Variants in CD1B observed in about 807,000 individuals in gnomAD.
CD1B encodes the protein T-cell surface glycoprotein CD1b.
In CD1B, 43 loss-of-function variants were observed where a neutral mutation model predicts 39.8. The observed-to-expected ratio is 1.08, with a 90% CI of 0.85 to 1.39. CD1B has a LOEUF of 1.39. Among genes scored for constraint, CD1B ranks in the 40% most tolerant of loss-of-function variants. The probability of loss-of-function intolerance (pLI) is 0.00; values close to 1 mark genes in which losing one functional copy is unlikely to be tolerated. For synonymous variants in CD1B, 192 were observed against 152.5 expected, an observed-to-expected ratio of 1.26 and a Z score of -1.91; for missense variants, 495 against 403.8, an observed-to-expected ratio of 1.23 and a Z score of -1.94.
chr1:158,319,644 A>T, the CD1B span, among the ~76,000 whole-genome samples: 1 of 152,182 alleles, frequency 6.6e-6, no homozygotes, highest in South Asian at 2.1e-4. Context: ...TGATCGTCTG[A>T]AGCCTTCTTC....
the CD1B span, among the ~76,000 whole-genome samples, chr1:158,298,170 G>A: frequency 6.6e-6 from 1 of 152,096 alleles, no homozygotes; most frequent in Non-Finnish European, 1.5e-5. Flanking sequence ...TAATGATAGA[G>A]GGTTGAATTT....
chr1:158,308,500 C>A, the CD1B span, among the ~76,000 whole-genome samples: 2,797 of 152,196 alleles, frequency 0.018, 87 homozygotes, highest in African/African-American at 0.064. Context: ...TCATATGGAA[C>A]CAAAAAGAGC....
chr1:158,320,769 C>T, the CD1B span, among the ~76,000 whole-genome samples: 2 of 151,808 alleles, frequency 1.3e-5, no homozygotes, highest in Non-Finnish European at 2.9e-5. Flanking sequence ...TTCACTGAAC[C>T]ACTGGTTGTT....
chr1:158,295,360 G>GAA, the CD1B span, among the ~76,000 whole-genome samples: 6 of 152,224 alleles, frequency 3.9e-5, no homozygotes, highest in Admixed American at 3.9e-4. Context: ...GGCTTCTAGG[G>GAA]AAGGGGTTGG....
At chr1:158,314,802 C>A in the CD1B span, among the ~76,000 whole-genome samples, 906 of 130,964 alleles carry the variant, frequency 6.9e-3, 11 homozygotes, top group African/African-American at 0.024. Flanking sequence ...GCTATCCCTA[C>A]CCCCTCCCCC....
chr1:158,292,743 A>T, the CD1B span: 2 of 1,614,188 alleles, frequency 1.2e-6, no homozygotes, highest in Non-Finnish European at 1.7e-6. Flanking sequence ...AAACATGGTG[A>T]TATTCTTCCT....
At chr1:158,300,191 G>T in the CD1B span, among the ~76,000 whole-genome samples, 1 of 152,100 alleles carries the variant, frequency 6.6e-6, no homozygotes, top group Non-Finnish European at 1.5e-5. Flanking sequence ...TTGTGTCTTT[G>T]TTCTCATTGG....
chr1:158,317,956 CA>C, the CD1B span, among the ~76,000 whole-genome samples: 1 of 152,128 alleles, frequency 6.6e-6, no homozygotes, highest in Admixed American at 6.6e-5. Flanking sequence ...GTTCAGTTTC[CA>C]TGTAGTTGTG....
At chr1:158,319,312 A>G in the CD1B span, among the ~76,000 whole-genome samples, 2 of 152,068 alleles carry the variant, frequency 1.3e-5, no homozygotes, top group African/African-American at 4.8e-5. Flanking sequence ...AATCAGACGT[A>G]GATTTGGTCT....
intron 4 of CD1B, 73 bp from the exon 5 acceptor site, chr1:158,329,087 C>A: frequency 8.0e-7 from 1 of 1,246,858 alleles, no homozygotes; most frequent in South Asian, 1.3e-5. Flanking sequence ...TTCCTTTGCC[C>A]ACCTACTTCC....
At chr1:158,293,454 G>A in the CD1B span, 1 of 1,613,702 alleles carries the variant, frequency 6.2e-7, no homozygotes. Context: ...TTCCTTCACA[G>A]CTCATATCAG....
chr1:158,300,059 A>G, the CD1B span, among the ~76,000 whole-genome samples: 1 of 152,022 alleles, frequency 6.6e-6, no homozygotes, highest in Non-Finnish European at 1.5e-5. Flanking sequence ...TTGCTTCTCT[A>G]GTTCTTTTAA....
chr1:158,305,795 G>T, the CD1B span, among the ~76,000 whole-genome samples: 357 of 152,324 alleles, frequency 2.3e-3, 3 homozygotes, highest in African/African-American at 7.8e-3. Flanking sequence ...TTAAAGAAAA[G>T]AATTTTCAAA....
At chr1:158,291,110 TA>T in the CD1B span, 54 of 1,586,430 alleles carry the variant, frequency 3.4e-5, no homozygotes, top group Non-Finnish European at 4.4e-5. Context: ...TTCCTTACAC[TA>T]CTTGCCCTTC....
the CD1B span, among the ~76,000 whole-genome samples, chr1:158,318,574 G>A: frequency 6.6e-6 from 1 of 152,204 alleles, no homozygotes; most frequent in South Asian, 2.1e-4. Flanking sequence ...CGTGAGATGG[G>A]TTTCCTGAAT....
At chr1:158,329,736 C>A (rs532396974) in intron 3 of CD1B, 88 bp from the exon 4 acceptor site, 3 of 1,564,978 alleles carry the variant, frequency 1.9e-6, no homozygotes, top group Non-Finnish European at 2.6e-6. Flanking sequence ...TGGACAGCGA[C>A]CCCATTCACT....
the CD1B span, among the ~76,000 whole-genome samples, chr1:158,318,060 G>A: frequency 6.6e-6 from 1 of 152,122 alleles, no homozygotes; most frequent in Non-Finnish European, 1.5e-5. Context: ...CTTTACATTT[G>A]CTGAGGAGAG....
chr1:158,311,940 G>T, the CD1B span, among the ~76,000 whole-genome samples: 1 of 152,146 alleles, frequency 6.6e-6, no homozygotes. Context: ...GATTTCTACA[G>T]ATTTGCCCTT....
At chr1:158,305,996 G>T in the CD1B span, among the ~76,000 whole-genome samples, 2 of 152,082 alleles carry the variant, frequency 1.3e-5, no homozygotes, top group Non-Finnish European at 2.9e-5. Context: ...TGTAAAGACT[G>T]TCGAGGCTAG....
Sources: gnomAD v4.1 joint callset for allele counts (sites outside exome capture counted in the v4.1 genomes callset) on GRCh38, gnomAD v4.1.1 for gene constraint, MANE v1.5 for transcripts, NCBI Gene and HGNC (gene_info 2026-07-23, HGNC 2026-07-21) for gene names.